ESYT3: variants seen among roughly 807,000 people sequenced by gnomAD.
The protein encoded by ESYT3 is extended synaptotagmin 3.
Under a neutral mutation model 111.5 loss-of-function variants are expected in ESYT3, and 101 were observed. That is an observed-to-expected ratio of 0.91 (90% CI 0.77 to 1.07). The LOEUF (loss-of-function observed/expected upper bound fraction) is 1.07. Among genes scored for constraint, ESYT3 ranks in the 50% least tolerant of loss-of-function variants. The pLI is 0.00. For synonymous variants in ESYT3, 416 were observed against 446.8 expected (o/e 0.93, Z 0.87); for missense variants, 1,097 against 1,109.4 (o/e 0.99, Z 0.16).
Position 138,457,603 on chromosome 3 carries a change from TACGTGCA to T in ESYT3, c.543_549del (p.Cys182GlufsTer4). 6.2e-7 allele frequency: 1 copy of T among 1,614,138 alleles called. No individual in the cohort carries two copies. The highest frequency in any genetic ancestry group is 8.5e-7 in the Non-Finnish European group (1 of 1,180,022). ...TCAACGGTGTCAAGGCACACACTAA[TACGTGCA>T]ACCGAAGACGTGTGACTGTGGACCT... On this transcript the variant is annotated frameshift_variant, in exon 4 of 23. Coordinates refer to ENST00000389567, the MANE Select transcript of ESYT3 (RefSeq NM_031913.5). LOFTEE classifies it high-confidence loss of function.
At chr3:138,441,611 G>C (rs1396548572) in intron 1 of ESYT3, among the ~76,000 whole-genome samples, 2 of 152,140 alleles carry the variant, frequency 1.3e-5, no homozygotes, top group Non-Finnish European at 2.9e-5. Flanking sequence ...CTGAGACCTG[G>C]CCTGCCTTGC....
At chr3:138,459,074 C>T (rs1230488957) in intron 4 of ESYT3, 113 bp from the exon 5 acceptor site, 4 of 753,034 alleles carry the variant, frequency 5.3e-6, no homozygotes, top group Non-Finnish European at 4.3e-6. Context: ...AGCTCAGGGT[C>T]GGCAACTGGC....
chr3:138,457,629 T>C lies in ESYT3; in HGVS notation c.566T>C (p.Val189Ala), dbSNP rs2032371281. The C allele has an allele frequency of 3.1e-6, 5 of 1,614,178 alleles. No individual in the cohort carries two copies. Among genetic ancestry groups the C allele is most frequent in the Non-Finnish European group, 3.4e-6 (4 of 1,180,038 alleles). ...TNTCNRRRVTVDLQICYIGDC... is the reference protein window; with the variant it reads ...TNTCNRRRVTADLQICYIGDC... ...ACGTGCAACCGAAGACGTGTGACTG[T>C]GGACCTGCAGATCTGGTGAGCTCTA... The change falls in exon 4 of 23, where the codon GTG becomes GCG. Residue 189 changes from valine (V) to alanine (A), a missense_variant. Physicochemically the swap from Val to Ala is moderately conservative, Grantham distance 64. Transcript: ENST00000389567.
At position 138,457,585 on chromosome 3, in the gene ESYT3, T is replaced by C. The variant is rs752471972; in HGVS notation, c.522T>C (p.Gly174=). The C allele has an allele frequency of 2.5e-6, 4 of 1,614,108 alleles. No individual in the cohort carries two copies. The highest frequency in any genetic ancestry group is 3.4e-6 in the Non-Finnish European group (4 of 1,180,022). Residue 174 remains glycine (G), a synonymous_variant, in exon 4 of 23, where the codon GGT becomes GGC. Coordinates refer to ENST00000389567, the MANE Select transcript of ESYT3 (RefSeq NM_031913.5). ...YFGQKCPRVN[G]VKAHTNTCNR... is the part of the protein sequence containing the mutation. ...TCTTCCAGTGTCCCAGGGTCAACGG[T>C]GTCAAGGCACACACTAATACGTGCA...
Position 138,457,663 on chromosome 3 carries a change from G to C in ESYT3, c.581+19G>C, listed in dbSNP as rs1381312054. 2 of 1,613,694 alleles carry C rather than the reference G, an allele frequency of 1.2e-6. No homozygotes were observed. The highest frequency in any genetic ancestry group is 1.7e-5 in the Admixed American group (1 of 60,024). ...AGATCTGGTGAGCTCTATCGGGCTG[G>C]GTATGGGCTTCGGGGTGCAGGGGAC... On this transcript the variant is annotated intron_variant, in intron 4 of 22. Coordinates refer to ENST00000389567, the MANE Select transcript of ESYT3 (RefSeq NM_031913.5).
chr3:138,449,082 C>CTTTTTCTT (rs2031753430), intron 1 of ESYT3, among the ~76,000 whole-genome samples: 1 of 113,122 alleles, frequency 8.8e-6, no homozygotes, highest in African/African-American at 3.8e-5. Flanking sequence ...CTTTCTTTTT[C>CTTTTTCTT]TTTTTTTTTT....
intron 22 of ESYT3, 131 bp from the exon 23 acceptor site, chr3:138,476,687 C>T (rs1679169): frequency 0.52 from 573,840 of 1,109,038 alleles, 153,027 homozygotes; most frequent in Admixed American, 0.68. Context: ...TGAACCCTGG[C>T]TGGCCAACTT....
At chr3:138,473,470 T>C in intron 18 of ESYT3, 66 bp from the exon 19 acceptor site, 9 of 1,382,414 alleles carry the variant, frequency 6.5e-6, no homozygotes, top group Non-Finnish European at 9.2e-6. Context: ...TTCTTTGTCT[T>C]TGGGGGTGGC....
chr3:138,457,716 G>A, intron 4 of ESYT3, 72 bp downstream of exon 4: 2 of 1,401,676 alleles, frequency 1.4e-6, no homozygotes, highest in Admixed American at 3.4e-5. Context: ...TTTGAAGATG[G>A]AGTAGTATAT....
chr3:138,452,018 T>C (rs899190846), intron 1 of ESYT3, 30 bp from the exon 2 acceptor site: 1 of 1,613,332 alleles, frequency 6.2e-7, no homozygotes, highest in Admixed American at 1.7e-5. Context: ...CGGCTTCTAG[T>C]CTAACTTCCC....
intron 4 of ESYT3, among the ~76,000 whole-genome samples, chr3:138,458,554 C>CT (rs370062551): frequency 1.3e-5 from 2 of 152,382 alleles, no homozygotes; most frequent in African/African-American, 4.8e-5. Context: ...TGTGTGCTGG[C>CT]TGCCCCTCTC....
In ESYT3 at chr3:138,465,336, C is replaced by T. The variant is rs745381219; in HGVS notation, c.1087-3C>T. The T allele has an allele frequency of 2.0e-5, 32 of 1,582,598 alleles. No homozygotes were observed. The highest frequency in any genetic ancestry group is 2.7e-5 in the Non-Finnish European group (31 of 1,163,728). ...AGGTCAAGACACCTCTTTTTCCTTC[C>T]AGTTCATGGTGTACGAAGTCCCTGG... On this transcript the variant is annotated splice_polypyrimidine_tract_variant and splice_region_variant and intron_variant, in intron 9 of 22. Coordinates refer to ENST00000389567, the MANE Select transcript of ESYT3 (RefSeq NM_031913.5).
In ESYT3 at chr3:138,441,526, G is replaced by T. The variant is rs183005949; in HGVS notation, c.327+6401G>T. On this transcript the variant is annotated intron_variant, in intron 1 of 22. Coordinates refer to ENST00000389567, the MANE Select transcript of ESYT3 (RefSeq NM_031913.5). Reference sequence around the variant, plus strand: ...GGAATGTCTCTGGTGACTTTGGGGAGGGGGCTCTGGGAGGTATGAGCTGCC... The same window carrying T: ...GGAATGTCTCTGGTGACTTTGGGGATGGGGCTCTGGGAGGTATGAGCTGCC... Among the ~76,000 whole-genome samples, 101 of 152,312 alleles carry T rather than the reference G, an allele frequency of 6.6e-4. 1 individual carries two copies. The highest frequency in any genetic ancestry group is 6.1e-3 in the Admixed American group (94 of 15,308).
At position 138,469,454 on chromosome 3, in the gene ESYT3, C is replaced by T. The variant is rs2033105639; in HGVS notation, c.1453C>T (p.Pro485Ser). The change falls in exon 15 of 23, where the codon CCT becomes TCT. Residue 485 changes from proline (P) to serine (S), a missense_variant. Pro to Ser is a moderately conservative substitution (Grantham distance 74, BLOSUM62 -1). Coordinates refer to ENST00000389567, the MANE Select transcript of ESYT3 (RefSeq NM_031913.5). ...RFARNKVSKD[P>S]SSYVKLSVGK... ...CTCACAGAACAAGGTCAGCAAAGAC[C>T]CTTCTTCCTATGTCAAACTATCTGT... 2 of 1,613,858 alleles carry T rather than the reference C, an allele frequency of 1.2e-6. No homozygotes were observed. Among genetic ancestry groups the T allele is most frequent in the African/African-American group, 1.3e-5 (1 of 74,874 alleles).
chr3:138,459,688 C>T (rs192917209), intron 5 of ESYT3, among the ~76,000 whole-genome samples: 1 of 152,244 alleles, frequency 6.6e-6, no homozygotes. Flanking sequence ...CTATAGGTCT[C>T]TCAGGCCAGC....
chr3:138,449,309 C>T (rs1384211922), intron 1 of ESYT3, among the ~76,000 whole-genome samples: 1 of 152,022 alleles, frequency 6.6e-6, no homozygotes, highest in African/African-American at 2.4e-5. Context: ...TGGTCTCAAA[C>T]TCCTGGGCTC....
chr3:138,472,475 A>T lies in ESYT3; in HGVS notation c.1853A>T (p.Gln618Leu). The change falls in exon 18 of 23, where the codon CAA becomes CTA. Residue 618 changes from glutamine (Q) to leucine (L), a missense_variant. Physicochemically the swap from Gln to Leu is moderately radical, Grantham distance 113. Transcript: ENST00000389567. ...KVATNQGPKA[Q>L]PQEEGPTDLP... ...GCTACCAACCAGGGTCCCAAAGCCC[A>T]ACCTCAGGAAGAAGGCCCTACAGAT... The T allele has an allele frequency of 6.2e-7, 1 of 1,614,224 alleles. No homozygotes were observed. Among genetic ancestry groups the T allele is most frequent in the Middle Eastern group, 1.6e-4 (1 of 6,062 alleles).
chr3:138,442,494 C>A (rs1273643536), intron 1 of ESYT3, among the ~76,000 whole-genome samples: 1 of 152,086 alleles, frequency 6.6e-6, no homozygotes, highest in African/African-American at 2.4e-5. Flanking sequence ...TCCGCAGTTT[C>A]TCCCTCTGAT....
Position 138,442,055 on chromosome 3 carries a change from C to G in ESYT3, c.327+6930C>G, listed in dbSNP as rs199993574. ...TTTCAAGACCCCAGAATCACCCACT[C>G]TATTCCTTTGCCCATGTTGTATTTA... On this transcript the variant is annotated intron_variant, in intron 1 of 22. Transcript: ENST00000389567. Among the ~76,000 whole-genome samples the G allele has an allele frequency of 7.2e-5, 11 of 151,952 alleles. No homozygotes were observed. The East Asian group carries it at 1.7e-3, about 24-fold the overall frequency.
Sources: allele counts gnomAD v4.1 joint callset (sites outside exome capture counted in the v4.1 genomes callset), GRCh38; gene constraint gnomAD v4.1.1; transcripts MANE v1.5; gene names NCBI Gene and HGNC (gene_info 2026-07-23, HGNC 2026-07-21).